The following ZNF804B variants were observed in gnomAD, a reference collection of about 807,000 sequenced individuals.
ZNF804B encodes the protein zinc finger 804B.
A neutral mutation model predicts 101.4 loss-of-function variants in ZNF804B; 80 were observed. The observed-to-expected ratio is 0.79, with a 90% CI of 0.66 to 0.95. ZNF804B has a LOEUF of 0.95. Ranked by LOEUF, ZNF804B falls within the 40% of genes least tolerant of loss-of-function variation. The probability of loss-of-function intolerance (pLI) is 0.00; values close to 1 mark genes in which losing one functional copy is unlikely to be tolerated. For synonymous variants in ZNF804B, 622 were observed against 558.8 expected (o/e 1.11, Z -1.59); for missense variants, 1,673 against 1,561.9 (o/e 1.07, Z -1.20).
chr7:89,129,438 G>T (rs1790514655), intron 1 of ZNF804B, among the ~76,000 whole-genome samples: 1 of 151,936 alleles, frequency 6.6e-6, no homozygotes, highest in South Asian at 2.1e-4. Flanking sequence ...TGGGAAGCCA[G>T]GAAGAAATGA....
chr7:89,178,343 C>T (rs1485648628), intron 1 of ZNF804B, among the ~76,000 whole-genome samples: 1 of 150,972 alleles, frequency 6.6e-6, no homozygotes, highest in Non-Finnish European at 1.5e-5. Flanking sequence ...CTTTTCCTTC[C>T]TTTCTTCCTT....
chr7:89,076,385 A>G (rs1030356034), intron 1 of ZNF804B, among the ~76,000 whole-genome samples: 1 of 152,096 alleles, frequency 6.6e-6, no homozygotes, highest in African/African-American at 2.4e-5. Context: ...TCCCTACACA[A>G]GCTCTCTCTT....
intron 2 of ZNF804B, among the ~76,000 whole-genome samples, chr7:89,298,214 G>GTA (rs1187893918): frequency 0.014 from 795 of 58,460 alleles, 7 homozygotes; most frequent in African/African-American, 0.02. Flanking sequence ...GTGTGTGTGT[G>GTA]TGTATATATA....
intron 1 of ZNF804B, among the ~76,000 whole-genome samples, chr7:88,956,328 T>C (rs1793308361): frequency 6.6e-6 from 1 of 151,558 alleles, no homozygotes; most frequent in Admixed American, 6.6e-5. Context: ...AGATATGGAA[T>C]CAATCTAAGT....
intron 1 of ZNF804B, among the ~76,000 whole-genome samples, chr7:89,091,462 C>T (rs1488172983): frequency 6.6e-6 from 1 of 151,790 alleles, no homozygotes; most frequent in Non-Finnish European, 1.5e-5. Context: ...TGAATGAATA[C>T]TGGAATTTAA....
chr7:89,309,616 C>T lies in ZNF804B; in HGVS notation c.250-17728C>T, dbSNP rs180928765. 3.1e-3 allele frequency among the ~76,000 whole-genome samples: 475 copies of T among 151,654 alleles called. 4 individuals are homozygous for T. Among genetic ancestry groups the T allele is most frequent in the African/African-American group, 8.9e-3 (369 of 41,346 alleles). The stretch of plus-strand genomic sequence containing the variant: ...CTCTACTAAAAATACAAAAATTAGT[C>T]GGGTGTGGTGGCACACACCTGTAGT... On this transcript the variant is annotated intron_variant, in intron 2 of 3. Transcript: ENST00000333190.
chr7:89,102,792 C>G (rs1790074967), intron 1 of ZNF804B, among the ~76,000 whole-genome samples: 1 of 151,798 alleles, frequency 6.6e-6, no homozygotes, highest in Non-Finnish European at 1.5e-5. Flanking sequence ...AGGTTTTCTT[C>G]TAATATTTTT....
intron 1 of ZNF804B, among the ~76,000 whole-genome samples, chr7:89,017,220 C>T (rs575134710): frequency 7.9e-5 from 12 of 152,262 alleles, no homozygotes; most frequent in East Asian, 3.9e-4. Context: ...TGCTTATCAG[C>T]GTAAGGAGAT....
chr7:88,911,252 T>C (rs1182806158), intron 1 of ZNF804B, among the ~76,000 whole-genome samples: 3 of 151,774 alleles, frequency 2.0e-5, no homozygotes, highest in Non-Finnish European at 4.4e-5. Flanking sequence ...GGATTTTACC[T>C]TAATCAACAA....
At chr7:88,985,024 AT>A (rs1335208183) in intron 1 of ZNF804B, among the ~76,000 whole-genome samples, 1 of 152,090 alleles carries the variant, frequency 6.6e-6, no homozygotes, top group Non-Finnish European at 1.5e-5. Flanking sequence ...CTTTACCTTC[AT>A]TCATAGTTTT....
chr7:88,927,653 T>A (rs1342876454), intron 1 of ZNF804B, among the ~76,000 whole-genome samples: 1 of 152,118 alleles, frequency 6.6e-6, no homozygotes, highest in Non-Finnish European at 1.5e-5. Flanking sequence ...TCTCTCTGTC[T>A]TGTTCTCTCT....
intron 1 of ZNF804B, among the ~76,000 whole-genome samples, chr7:89,101,822 T>C (rs1320842520): frequency 1.3e-5 from 2 of 151,922 alleles, no homozygotes; most frequent in Non-Finnish European, 2.9e-5. Flanking sequence ...TGTTGGATAT[T>C]ATACCCAATA....
intron 1 of ZNF804B, among the ~76,000 whole-genome samples, chr7:88,953,168 T>G (rs181930097): frequency 2.0e-5 from 3 of 151,902 alleles, no homozygotes. Context: ...CCCTATGTGA[T>G]TCGATTCCAG....
intron 1 of ZNF804B, among the ~76,000 whole-genome samples, chr7:89,199,234 T>C (rs904594100): frequency 2.6e-5 from 4 of 151,914 alleles, no homozygotes; most frequent in African/African-American, 7.2e-5. Context: ...GTGCCAGTTA[T>C]GGGAGGCCAG....
At chr7:89,244,906 C>G (rs947467524) in intron 2 of ZNF804B, among the ~76,000 whole-genome samples, 3 of 152,120 alleles carry the variant, frequency 2.0e-5, no homozygotes, top group African/African-American at 7.2e-5. Context: ...TGTGAACAAT[C>G]TCAAATTTAC....
chr7:88,797,934 T>G (rs1384139832), intron 1 of ZNF804B, among the ~76,000 whole-genome samples: 1 of 152,210 alleles, frequency 6.6e-6, no homozygotes, highest in African/African-American at 2.4e-5. Flanking sequence ...TTTCCCACTA[T>G]CTTCTTGGAT....
At chr7:88,961,845 C>T (rs1005719925) in intron 1 of ZNF804B, among the ~76,000 whole-genome samples, 6 of 151,304 alleles carry the variant, frequency 4.0e-5, no homozygotes, top group South Asian at 2.1e-4. Flanking sequence ...AAAGCCTTGA[C>T]GCTGCCCTGC....
intron 2 of ZNF804B, among the ~76,000 whole-genome samples, chr7:89,245,997 C>T (rs188155715): frequency 1.3e-5 from 2 of 152,246 alleles, no homozygotes; most frequent in East Asian, 3.9e-4. Context: ...CTGGGAAAAG[C>T]TGCAGACATT....
intron 2 of ZNF804B, among the ~76,000 whole-genome samples, chr7:89,251,856 A>G (rs1487283981): frequency 6.6e-6 from 1 of 152,166 alleles, no homozygotes; most frequent in Non-Finnish European, 1.5e-5. Context: ...GGCCAGCCAT[A>G]TGTAGAGGAA....
Sources: gnomAD v4.1 joint callset for allele counts (sites outside exome capture counted in the v4.1 genomes callset) on GRCh38, gnomAD v4.1.1 for gene constraint, MANE v1.5 for transcripts, NCBI Gene and HGNC (gene_info 2026-07-23, HGNC 2026-07-21) for gene names.